The following ZNF521 variants were observed in gnomAD, a reference collection of about 807,000 sequenced individuals.
The protein encoded by ZNF521 is zinc finger protein 521.
Under a neutral mutation model 105.5 loss-of-function variants are expected in ZNF521, and 14 were observed. The ratio of observed to expected loss-of-function variants is 0.13; its 90% CI spans 0.09 to 0.21. The LOEUF (loss-of-function observed/expected upper bound fraction) is 0.21. Ranked by LOEUF, ZNF521 falls within the 10% of genes least tolerant of loss-of-function variation. The pLI is 1.00. For missense variants in ZNF521, 1,233 were observed against 1,629.7 expected, an observed-to-expected ratio of 0.76 and a Z score of 4.19; for synonymous variants, 635 against 606.0, an observed-to-expected ratio of 1.05 and a Z score of -0.70.
intron 2 of ZNF521, among the ~76,000 whole-genome samples, chr18:25,343,277 C>T (rs573345910): frequency 3.9e-4 from 59 of 152,210 alleles, no homozygotes; most frequent in African/African-American, 1.3e-3. Flanking sequence ...CTCAATGATA[C>T]GCTGATTTTA....
intron 2 of ZNF521, among the ~76,000 whole-genome samples, chr18:25,332,176 C>A (rs1913611571): frequency 4.0e-5 from 6 of 151,238 alleles, no homozygotes; most frequent in Admixed American, 3.9e-4. Flanking sequence ...AGATTTTTTT[C>A]TTTTCTAAGT....
intron 3 of ZNF521, among the ~76,000 whole-genome samples, chr18:25,249,483 A>G (rs745863511): frequency 1.6e-4 from 23 of 147,614 alleles, no homozygotes; most frequent in Non-Finnish European, 2.7e-4. Context: ...TTTTTTTTTA[A>G]GACAGTCTTG....
At chr18:25,150,090 G>A (rs1384936510) in intron 5 of ZNF521, among the ~76,000 whole-genome samples, 2 of 152,156 alleles carry the variant, frequency 1.3e-5, no homozygotes, top group African/African-American at 2.4e-5. Context: ...AATGAGTACA[G>A]GTTAATAAAA....
At chr18:25,309,462 A>G (rs1912175358) in intron 3 of ZNF521, among the ~76,000 whole-genome samples, 1 of 152,340 alleles carries the variant, frequency 6.6e-6, no homozygotes. Flanking sequence ...GTAGAAAACT[A>G]TTCAGAACAA....
At chr18:25,088,650 G>A (rs1000525971) in intron 7 of ZNF521, among the ~76,000 whole-genome samples, 2 of 152,094 alleles carry the variant, frequency 1.3e-5, no homozygotes, top group South Asian at 4.1e-4. Context: ...TCAAGGTGAA[G>A]TAACATTAAA....
At chr18:25,326,896 T>C (rs1913251092) in intron 2 of ZNF521, among the ~76,000 whole-genome samples, 1 of 152,210 alleles carries the variant, frequency 6.6e-6, no homozygotes, top group Non-Finnish European at 1.5e-5. Flanking sequence ...GTTTGTTCTC[T>C]GATCATAGCC....
At chr18:25,282,361 C>T (rs80260043) in intron 3 of ZNF521, among the ~76,000 whole-genome samples, 4,480 of 152,146 alleles carry the variant, frequency 0.029, 175 homozygotes, top group African/African-American at 0.084. Context: ...GAAAGCCAGG[C>T]GGCTTGTGAC....
chr18:25,297,849 A>G lies in ZNF521; in HGVS notation c.220+24159T>C, dbSNP rs192565357. On this transcript the variant is annotated intron_variant, in intron 3 of 7. Coordinates refer to ENST00000361524, the MANE Select transcript of ZNF521 (RefSeq NM_015461.3). ...AGTTTCAAATACTTCCCTTTTTATT[A>G]TAACAATCTTCATAAATCCTTAGAA... Among the ~76,000 whole-genome samples, 3 of 152,298 alleles carry G rather than the reference A, an allele frequency of 2.0e-5. No individual in the cohort carries two copies. In the East Asian group the frequency reaches 5.8e-4, roughly 29 times the overall value.
intron 3 of ZNF521, among the ~76,000 whole-genome samples, chr18:25,245,623 G>A (rs1179812728): frequency 6.6e-6 from 1 of 152,158 alleles, no homozygotes; most frequent in Non-Finnish European, 1.5e-5. Flanking sequence ...GCTAGGCACT[G>A]GGATCAAAGG....
intron 3 of ZNF521, among the ~76,000 whole-genome samples, chr18:25,308,649 T>G (rs12968159): frequency 2.7e-5 from 1 of 37,230 alleles, no homozygotes; most frequent in African/African-American, 1.2e-4. Context: ...CTTAATGACA[T>G]CCCCCCCCCC....
At chr18:25,276,002 AAG>A (rs1488812227) in intron 3 of ZNF521, among the ~76,000 whole-genome samples, 2 of 152,190 alleles carry the variant, frequency 1.3e-5, no homozygotes, top group African/African-American at 4.8e-5. Context: ...CATGTGCAAA[AAG>A]AGCTTACTTT....
At chr18:25,077,214 C>T (rs1248193056) in intron 7 of ZNF521, among the ~76,000 whole-genome samples, 2 of 152,208 alleles carry the variant, frequency 1.3e-5, no homozygotes, top group African/African-American at 4.8e-5. Context: ...GGAAAGCCTA[C>T]ACAGCAAACA....
chr18:25,188,091 T>C (rs1448757803), intron 5 of ZNF521, among the ~76,000 whole-genome samples: 1 of 151,964 alleles, frequency 6.6e-6, no homozygotes, highest in Non-Finnish European at 1.5e-5. Flanking sequence ...TTCATGCTTG[T>C]CTCCTTTCCA....
intron 4 of ZNF521, among the ~76,000 whole-genome samples, chr18:25,215,784 C>T (rs549673289): frequency 2.0e-5 from 3 of 152,202 alleles, no homozygotes; most frequent in East Asian, 3.9e-4. Context: ...CAGGTGATCA[C>T]GGAACTGGGT....
chr18:25,149,220 G>C (rs2035001345), intron 5 of ZNF521, among the ~76,000 whole-genome samples: 1 of 152,174 alleles, frequency 6.6e-6, no homozygotes, highest in Admixed American at 6.5e-5. Flanking sequence ...GTATGAAGGG[G>C]AAGACAGGTG....
intron 3 of ZNF521, among the ~76,000 whole-genome samples, chr18:25,276,152 C>T (rs950730403): frequency 6.6e-6 from 1 of 152,034 alleles, no homozygotes; most frequent in East Asian, 1.9e-4. Flanking sequence ...CACTATCAGA[C>T]CAAAAATATG....
chr18:25,220,302 C>T (rs773516670), intron 4 of ZNF521, among the ~76,000 whole-genome samples: 24 of 152,224 alleles, frequency 1.6e-4, no homozygotes, highest in Non-Finnish European at 2.5e-4. Context: ...GCCAGAAGAG[C>T]CCTTGGAGTC....
At chr18:25,182,806 G>C (rs927017340) in intron 5 of ZNF521, among the ~76,000 whole-genome samples, 2 of 152,146 alleles carry the variant, frequency 1.3e-5, no homozygotes, top group African/African-American at 2.4e-5. Flanking sequence ...GCTTCTAGAA[G>C]AGTCAAACAC....
intron 3 of ZNF521, among the ~76,000 whole-genome samples, chr18:25,264,304 C>T (rs1020682294): frequency 6.6e-5 from 10 of 152,280 alleles, no homozygotes; most frequent in African/African-American, 2.2e-4. Context: ...AAGCACTTTA[C>T]ACAGAATTTT....
Sources: allele counts gnomAD v4.1 joint callset (sites outside exome capture counted in the v4.1 genomes callset), GRCh38; gene constraint gnomAD v4.1.1; transcripts MANE v1.5; gene names NCBI Gene and HGNC (gene_info 2026-07-23, HGNC 2026-07-21).